The following PDE10A variants were observed in gnomAD, a reference collection of about 807,000 sequenced individuals.
The protein encoded by PDE10A is phosphodiesterase 10A, also known as cAMP and cAMP-inhibited cGMP 3',5'-cyclic phosphodiesterase 10A.
Under a neutral mutation model 97.7 loss-of-function variants are expected in PDE10A, and 39 were observed. That is an observed-to-expected ratio of 0.40 (90% confidence interval 0.31 to 0.52). PDE10A has a LOEUF of 0.52. Among genes scored for constraint, PDE10A ranks in the 20% least tolerant of loss-of-function variants. PDE10A has a pLI of 0.56. For synonymous variants in PDE10A, 371 were observed against 376.8 expected, an observed-to-expected ratio of 0.98 and a Z score of 0.18; for missense variants, 731 against 1,047.8, an observed-to-expected ratio of 0.70 and a Z score of 4.17.
At chr6:165,583,152 C>T (rs888085137) in intron 1 of PDE10A, among the ~76,000 whole-genome samples, 4 of 152,082 alleles carry the variant, frequency 2.6e-5, no homozygotes, top group Non-Finnish European at 4.4e-5. Context: ...TCAAAATGAT[C>T]CAGATAAATT....
chr6:165,489,389 G>C (rs140854521), intron 2 of PDE10A, among the ~76,000 whole-genome samples: 118 of 152,246 alleles, frequency 7.8e-4, no homozygotes, highest in Admixed American at 2.7e-3. Context: ...CCATTCCTAG[G>C]GGAAGGGGAA....
chr6:165,397,686 C>T (rs558400625), intron 13 of PDE10A, among the ~76,000 whole-genome samples: 15 of 112,078 alleles, frequency 1.3e-4, no homozygotes, highest in African/African-American at 2.6e-4. Context: ...TGGGCGACAA[C>T]GGTGAAACTC....
intron 1 of PDE10A, among the ~76,000 whole-genome samples, chr6:165,753,112 G>A (rs1290357748): frequency 1.3e-5 from 2 of 152,212 alleles, no homozygotes; most frequent in Admixed American, 6.5e-5. Flanking sequence ...TTGTTAGCAC[G>A]TGAGGGAAAT....
In PDE10A at chr6:165,344,537, C is replaced by G. The variant is rs144726890; in HGVS notation, c.2784-1035G>C. 7.0e-3 allele frequency among the ~76,000 whole-genome samples: 1,066 copies of G among 152,308 alleles called. 9 individuals are homozygous for G. The highest frequency in any genetic ancestry group is 0.023 in the African/African-American group (968 of 41,582). ...GGTCCACATTCTCCAACTGCGGGCA[C>G]AGTCCTGCCCTAGCTCCCGAGCCTG... On this transcript the variant is annotated intron_variant, in intron 18 of 21. Coordinates refer to ENST00000539869, the MANE Select transcript of PDE10A (RefSeq NM_001385079.1).
At chr6:165,937,268 T>C (rs1783364197) in intron 1 of PDE10A, among the ~76,000 whole-genome samples, 1 of 152,186 alleles carries the variant, frequency 6.6e-6, no homozygotes, top group African/African-American at 2.4e-5. Context: ...TGAAACTTAA[T>C]AAGACTTTTG....
intron 1 of PDE10A, among the ~76,000 whole-genome samples, chr6:165,619,574 CTAGCG>C: frequency 2.8e-5 from 4 of 140,644 alleles, no homozygotes; most frequent in African/African-American, 1.2e-4. Flanking sequence ...ATACTGTAGT[CTAGCG>C]TAGTGTACTG....
chr6:165,716,758 C>T (rs925516896), intron 1 of PDE10A, among the ~76,000 whole-genome samples: 1 of 152,176 alleles, frequency 6.6e-6, no homozygotes. Flanking sequence ...CTCTGAGTGT[C>T]TAAATGGAAT....
chr6:165,917,851 C>T (rs919090480), intron 1 of PDE10A, among the ~76,000 whole-genome samples: 31 of 152,252 alleles, frequency 2.0e-4, no homozygotes, highest in African/African-American at 7.0e-4. Context: ...GAGCCGGTGA[C>T]GCTGGATGGC....
chr6:165,826,343 C>G (rs555296688), intron 1 of PDE10A, among the ~76,000 whole-genome samples: 166 of 151,176 alleles, frequency 1.1e-3, no homozygotes, highest in African/African-American at 3.8e-3. Flanking sequence ...TCCCCATGTC[C>G]CTGTGTCCCC....
intron 2 of PDE10A, among the ~76,000 whole-genome samples, chr6:165,521,215 G>T (rs1488337685): frequency 1.3e-5 from 2 of 152,090 alleles, no homozygotes; most frequent in African/African-American, 4.8e-5. Flanking sequence ...GATAAACATT[G>T]TGTGTGTTTT....
At chr6:165,394,029 G>T (rs1469321729) in intron 15 of PDE10A, among the ~76,000 whole-genome samples, 1 of 151,620 alleles carries the variant, frequency 6.6e-6, no homozygotes, top group Non-Finnish European at 1.5e-5. Context: ...GTTGAAAGTT[G>T]ATGCTAAATT....
At chr6:165,389,381 G>T (rs1028250755) in intron 16 of PDE10A, among the ~76,000 whole-genome samples, 5 of 152,202 alleles carry the variant, frequency 3.3e-5, no homozygotes, top group African/African-American at 9.6e-5. Flanking sequence ...GATAATAACA[G>T]TGAAAGCTTC....
intron 10 of PDE10A, among the ~76,000 whole-genome samples, chr6:165,425,773 G>A (rs73788380): frequency 1.1e-3 from 105 of 99,892 alleles, no homozygotes; most frequent in Middle Eastern, 7.0e-3. Flanking sequence ...GCATGATCGT[G>A]TGTGTGTGTG....
At chr6:165,980,057 G>A (rs1170983805) in intron 1 of PDE10A, among the ~76,000 whole-genome samples, 3 of 152,206 alleles carry the variant, frequency 2.0e-5, no homozygotes, top group African/African-American at 4.8e-5. Flanking sequence ...CTTAAGCAGA[G>A]AGCAGGAGAA....
chr6:165,615,707 AC>A (rs1787697812), intron 1 of PDE10A, among the ~76,000 whole-genome samples: 1 of 152,208 alleles, frequency 6.6e-6, no homozygotes, highest in Admixed American at 6.5e-5. Context: ...AATTAATTTT[AC>A]TCAGTTACTA....
At chr6:165,722,962 T>C (rs751090669) in intron 1 of PDE10A, among the ~76,000 whole-genome samples, 1 of 152,046 alleles carries the variant, frequency 6.6e-6, no homozygotes, top group African/African-American at 2.4e-5. Context: ...CCCAGAATCT[T>C]AATTTGAACT....
intron 1 of PDE10A, among the ~76,000 whole-genome samples, chr6:165,645,870 G>A (rs1451501614): frequency 9.4e-4 from 78 of 82,590 alleles, no homozygotes; most frequent in South Asian, 2.0e-3. Context: ...AAAAAAAAAA[G>A]TTTACTTCCT....
intron 13 of PDE10A, among the ~76,000 whole-genome samples, chr6:165,400,999 T>A (rs1786618441): frequency 6.6e-6 from 1 of 152,158 alleles, no homozygotes. Flanking sequence ...TTTTAGAAAC[T>A]GCAATTTATA....
intron 1 of PDE10A, among the ~76,000 whole-genome samples, chr6:165,760,968 A>G (rs1301012375): frequency 6.6e-6 from 1 of 152,210 alleles, no homozygotes; most frequent in Non-Finnish European, 1.5e-5. Context: ...ACAGCCAAGT[A>G]TGAAGAGGCC....
Sources: gnomAD v4.1 joint callset for allele counts (sites outside exome capture counted in the v4.1 genomes callset) on GRCh38, gnomAD v4.1.1 for gene constraint, MANE v1.5 for transcripts, NCBI Gene and HGNC (gene_info 2026-07-23, HGNC 2026-07-21) for gene names.